Variants in BCAS3 observed in about 807,000 individuals in gnomAD.
BCAS3 encodes BCAS3 microtubule associated cell migration factor, also known as BCAS4/BCAS3 fusion.
A neutral mutation model predicts 116.1 loss-of-function variants in BCAS3; 53 were observed. The observed-to-expected ratio is 0.46, with a 90% CI of 0.37 to 0.57. The LOEUF (loss-of-function observed/expected upper bound fraction) is 0.57. BCAS3 is among the 20% of genes least tolerant of loss of function. The pLI, the probability that BCAS3 is intolerant of heterozygous loss-of-function variation, is 0.00. For synonymous variants in BCAS3, 391 were observed against 408.2 expected (o/e 0.96, Z 0.51); for missense variants, 917 against 1,165.4 (o/e 0.79, Z 3.10).
rs192485724 is a variant in BCAS3 at position 61,313,014 on chromosome 17, C to A, written c.2426-55313C>A. 2.0e-5 allele frequency among the ~76,000 whole-genome samples: 3 copies of A among 152,344 alleles called. No individual in the cohort carries two copies. Among genetic ancestry groups the A allele is most frequent in the African/African-American group, 7.2e-5 (3 of 41,580 alleles). Reference sequence around the variant, plus strand: ...ATAAGCACTTCCCAAGTGCCAGGTACAAAGTTAGACACTTCCCATCTTTCA... The same window carrying A: ...ATAAGCACTTCCCAAGTGCCAGGTAAAAAGTTAGACACTTCCCATCTTTCA... On this transcript the variant is annotated intron_variant, in intron 22 of 23. Transcript: ENST00000407086. The surrounding 1 kb of genome is among the most constrained non-coding windows in gnomAD (Gnocchi z 4.3).
chr17:61,352,573 C>T lies in BCAS3; in HGVS notation c.2426-15754C>T, dbSNP rs2057911889. Among the ~76,000 whole-genome samples the T allele has an allele frequency of 6.6e-6, 1 of 152,184 alleles. No homozygotes were observed. Among genetic ancestry groups the T allele is most frequent in the Non-Finnish European group, 1.5e-5 (1 of 68,032 alleles). On this transcript the variant is annotated intron_variant, in intron 22 of 23. Transcript: ENST00000407086. The surrounding 1 kb of genome is among the most constrained non-coding windows in gnomAD (Gnocchi z 4.7). ...AAGGAGGGGTGATGCTGACCCCACA[C>T]TCGAGCCACAGCCTCGGAATCTCTT...
rs112797751 is a variant in BCAS3 at position 61,118,431 on chromosome 17, C to T, written c.2425+33867C>T. Among the ~76,000 whole-genome samples the T allele has an allele frequency of 1.5e-3, 225 of 152,294 alleles. 1 individual carries two copies. The highest frequency in any genetic ancestry group is 4.7e-3 in the African/African-American group (194 of 41,558). ...TTACTGCCAAGCAGGGGTGAAAATC[C>T]AGACTCCCCATTTGTCCTGCACCAA... is the stretch of plus-strand genomic sequence containing the variant. On this transcript the variant is annotated intron_variant, in intron 22 of 23. Transcript: ENST00000407086. The surrounding 1 kb of genome is among the most constrained non-coding windows in gnomAD (Gnocchi z 5.0).
Position 60,927,719 on chromosome 17 carries a change from C to T in BCAS3, c.1087+3219C>T, listed in dbSNP as rs112159656. ...GCCTGTTAATATCATTGGAAATAATCCTATATGGAGATGCTAATTAGTTAA... is the reference window on the plus strand; with the variant it reads ...GCCTGTTAATATCATTGGAAATAATTCTATATGGAGATGCTAATTAGTTAA... On this transcript the variant is annotated intron_variant, in intron 13 of 23. Coordinates refer to ENST00000407086, the MANE Select transcript of BCAS3 (RefSeq NM_017679.5). Among the ~76,000 whole-genome samples, 571 of 152,106 alleles carry T rather than the reference C, an allele frequency of 3.8e-3. 3 individuals carry two copies. Among genetic ancestry groups the T allele is most frequent in the African/African-American group, 0.013 (543 of 41,488 alleles).
chr17:60,976,020 C>CTTTTTTTTTTTTTT (rs755966067), intron 14 of BCAS3, among the ~76,000 whole-genome samples: 49 of 98,312 alleles, frequency 5.0e-4, no homozygotes, highest in Non-Finnish European at 5.7e-4. Context: ...TAGATTTTTG[C>CTTTTTTTTTTTTTT]TTTTTTTTTT....
chr17:60,847,195 GTATACAT>G (rs770910260), intron 7 of BCAS3, among the ~76,000 whole-genome samples: 33,211 of 151,990 alleles, frequency 0.22, 4,682 homozygotes, highest in African/African-American at 0.41. Flanking sequence ...TGTATATTTT[GTATACAT>G]TGTACACTAC....
chr17:60,820,079 T>C lies in BCAS3; in HGVS notation c.476+12003T>C, dbSNP rs529081989. The stretch of plus-strand genomic sequence containing the variant: ...CAGTGGGACATCTTTTTTTCTTTTT[T>C]TTTTTTTCTGAGGCAGAGTCTCGTT... On this transcript the variant is annotated intron_variant, in intron 7 of 23. Transcript: ENST00000407086. Among the ~76,000 whole-genome samples the C allele has an allele frequency of 5.5e-4, 83 of 152,062 alleles. 1 individual carries two copies. Among genetic ancestry groups the C allele is most frequent in the Admixed American group, 2.7e-3 (41 of 15,286 alleles).
intron 22 of BCAS3, among the ~76,000 whole-genome samples, chr17:61,275,114 G>T (rs549473696): frequency 6.6e-6 from 1 of 152,060 alleles, no homozygotes; most frequent in African/African-American, 2.4e-5. Flanking sequence ...GCCTCCCAAA[G>T]TACTAGGATT....
intron 6 of BCAS3, among the ~76,000 whole-genome samples, chr17:60,775,585 T>C (rs2045207051): frequency 6.6e-6 from 1 of 151,762 alleles, no homozygotes; most frequent in South Asian, 2.1e-4. Context: ...AGAATTTCTT[T>C]TTTTTTTTCA....
intron 14 of BCAS3, among the ~76,000 whole-genome samples, chr17:60,975,859 A>G (rs182386667): frequency 2.0e-4 from 31 of 152,256 alleles, no homozygotes; most frequent in Non-Finnish European, 4.4e-4. Context: ...ATTTTCAAAT[A>G]TGCATCAGAA....
intron 5 of BCAS3, among the ~76,000 whole-genome samples, chr17:60,740,892 C>T (rs1275069269): frequency 1.3e-5 from 2 of 151,954 alleles, no homozygotes; most frequent in Admixed American, 6.6e-5. Context: ...GCCAGAGGCT[C>T]GAGGGGATTT....
At chr17:61,014,531 A>T (rs967378815) in intron 15 of BCAS3, among the ~76,000 whole-genome samples, 5 of 152,078 alleles carry the variant, frequency 3.3e-5, no homozygotes, top group Non-Finnish European at 7.4e-5. Flanking sequence ...TAAAAAAATG[A>T]ATACAATGAA....
rs1434687529 is a variant in BCAS3 at position 61,235,771 on chromosome 17, A to G, written c.2426-132556A>G. Among the ~76,000 whole-genome samples the G allele has an allele frequency of 6.6e-6, 1 of 152,008 alleles. No individual in the cohort carries two copies. The highest frequency in any genetic ancestry group is 1.5e-5 in the Non-Finnish European group (1 of 67,996). On this transcript the variant is annotated intron_variant, in intron 22 of 23. Coordinates refer to ENST00000407086, the MANE Select transcript of BCAS3 (RefSeq NM_017679.5). The surrounding 1 kb of genome is among the most constrained non-coding windows in gnomAD (Gnocchi z 5.0). ...AAAATGGTTAGGGAGGCTGCAAAAG[A>G]GATGTGGAGACTGGGGGAAAAGGAC... is the stretch of plus-strand genomic sequence containing the variant.
intron 6 of BCAS3, among the ~76,000 whole-genome samples, chr17:60,778,903 A>G (rs2045544310): frequency 1.3e-5 from 2 of 152,196 alleles, no homozygotes; most frequent in African/African-American, 4.8e-5. Context: ...TATAGTTTGT[A>G]TACATATTAA....
chr17:60,819,703 T>C (rs1250210161), intron 7 of BCAS3, among the ~76,000 whole-genome samples: 1 of 152,058 alleles, frequency 6.6e-6, no homozygotes, highest in Non-Finnish European at 1.5e-5. Flanking sequence ...CTGAGACTCA[T>C]TATCCTTCCT....
At chr17:60,798,866 G>T (rs2047447713) in intron 6 of BCAS3, among the ~76,000 whole-genome samples, 1 of 152,202 alleles carries the variant, frequency 6.6e-6, no homozygotes, top group Non-Finnish European at 1.5e-5. Context: ...TCTGGAATTT[G>T]GTCGTTCTGG....
chr17:61,321,359 C>T (rs1380754523), intron 22 of BCAS3, among the ~76,000 whole-genome samples: 2 of 152,236 alleles, frequency 1.3e-5, no homozygotes, highest in African/African-American at 4.8e-5. Flanking sequence ...TTCTACCCCA[C>T]CTCCCATCTC....
chr17:61,212,050 A>C (rs1309082096), intron 22 of BCAS3, among the ~76,000 whole-genome samples: 2 of 152,220 alleles, frequency 1.3e-5, no homozygotes, highest in African/African-American at 4.8e-5. Context: ...CAAAGCAGCT[A>C]ATGTTAGAAA....
At chr17:60,736,180 A>G (rs1244077953) in intron 5 of BCAS3, among the ~76,000 whole-genome samples, 2 of 152,178 alleles carry the variant, frequency 1.3e-5, no homozygotes, top group African/African-American at 4.8e-5. Context: ...CTTGGATTAC[A>G]GGTGTGAGCC....
intron 22 of BCAS3, among the ~76,000 whole-genome samples, chr17:61,103,730 A>G (rs772836269): frequency 3.3e-5 from 5 of 152,020 alleles, no homozygotes; most frequent in East Asian, 1.9e-4. Context: ...TCCTGTTTCT[A>G]TTGCTCCCTC....
Sources: gnomAD v4.1 joint callset for allele counts (sites outside exome capture counted in the v4.1 genomes callset) on GRCh38, gnomAD v4.1.1 for gene constraint, Gnocchi (gnomAD v3.1) non-coding constraint, MANE v1.5 for transcripts, NCBI Gene and HGNC (gene_info 2026-07-23, HGNC 2026-07-21) for gene names.